Variants in CACHD1 observed in about 807,000 individuals in gnomAD.
CACHD1 encodes VWFA and cache domain-containing protein 1.
In CACHD1, 71 loss-of-function variants were observed where a neutral mutation model predicts 138.7. That is an observed-to-expected ratio of 0.51 (90% CI 0.42 to 0.62). The LOEUF is 0.62. CACHD1 is among the 20% of genes least tolerant of loss of function. The pLI is 0.00. For missense variants in CACHD1, 1,389 were observed against 1,625.3 expected, an observed-to-expected ratio of 0.85 and a Z score of 2.50; for synonymous variants, 578 against 591.5, an observed-to-expected ratio of 0.98 and a Z score of 0.33.
intron 3 of CACHD1, among the ~76,000 whole-genome samples, chr1:64,595,395 C>T: frequency 6.6e-6 from 1 of 152,122 alleles, no homozygotes; most frequent in East Asian, 1.9e-4. Flanking sequence ...AAAGACCTCT[C>T]CCTTTGTGTC....
Position 64,629,499 on chromosome 1 carries a change from C to T in CACHD1, c.644+18C>T. The T allele has an allele frequency of 5.0e-6, 8 of 1,609,892 alleles. No homozygotes were observed. Among genetic ancestry groups the T allele is most frequent in the Non-Finnish European group, 6.8e-6 (8 of 1,178,352 alleles). ...CGCAGTAGGTATGTTGACTTGCATG[C>T]TAAAGTTTTTAATTATTGCTTAAGA... On this transcript the variant is annotated intron_variant, in intron 5 of 26. Transcript: ENST00000651257.
intron 1 of CACHD1, among the ~76,000 whole-genome samples, chr1:64,530,936 T>TTC (rs1646579824): frequency 6.7e-6 from 1 of 148,890 alleles, no homozygotes; most frequent in Non-Finnish European, 1.5e-5. Context: ...TTTTTTTGTT[T>TTC]TTTTTTTTTT....
At chr1:64,549,786 G>A (rs964633500) in intron 1 of CACHD1, among the ~76,000 whole-genome samples, 1 of 148,558 alleles carries the variant, frequency 6.7e-6, no homozygotes, top group Non-Finnish European at 1.5e-5. Flanking sequence ...TAAGGCTGCT[G>A]CTCTTTTTAT....
chr1:64,577,930 T>A (rs1048499608), intron 2 of CACHD1, among the ~76,000 whole-genome samples: 1 of 152,104 alleles, frequency 6.6e-6, no homozygotes, highest in Non-Finnish European at 1.5e-5. Flanking sequence ...AGGCAGACAT[T>A]CTACCCCGAT....
At chr1:64,637,126 T>G (rs1648552284) in intron 7 of CACHD1, among the ~76,000 whole-genome samples, 1 of 152,224 alleles carries the variant, frequency 6.6e-6, no homozygotes, top group Admixed American at 6.5e-5. Flanking sequence ...CATTCCTCAC[T>G]AGAAGTGTTC....
In CACHD1 at chr1:64,539,624, G is replaced by C. The variant is rs544681015; in HGVS notation, c.199-10970G>C. Among the ~76,000 whole-genome samples the C allele has an allele frequency of 1.1e-3, 160 of 152,348 alleles. 1 individual carries two copies. The highest frequency in any genetic ancestry group is 2.0e-3 in the Non-Finnish European group (133 of 68,028). On this transcript the variant is annotated intron_variant, in intron 1 of 26. Transcript: ENST00000651257. ...CCAATGTGTAGTGAGTCCTTTGTAA[G>C]TTGAGGCCAATGGGGCTAGAATGTA...
chr1:64,685,554 C>CT (rs34501570), intron 26 of CACHD1, among the ~76,000 whole-genome samples: 50 of 152,000 alleles, frequency 3.3e-4, no homozygotes, highest in East Asian at 1.2e-3. Flanking sequence ...ACTTCTCCCC[C>CT]TTTTTTTTCC....
chr1:64,571,826 G>T (rs1646929383), intron 2 of CACHD1, among the ~76,000 whole-genome samples: 2 of 152,172 alleles, frequency 1.3e-5, no homozygotes, highest in South Asian at 2.1e-4. Flanking sequence ...AGGTCACAAG[G>T]TTGGTTTGTG....
At chr1:64,510,516 C>G (rs1282992773) in intron 1 of CACHD1, among the ~76,000 whole-genome samples, 1 of 152,212 alleles carries the variant, frequency 6.6e-6, no homozygotes, top group Non-Finnish European at 1.5e-5. Flanking sequence ...GCCAGGTATT[C>G]ACAGTCGCCT....
In CACHD1 at chr1:64,470,834, C is replaced by T. The variant is rs758782412; in HGVS notation, c.90C>T (p.Leu30=). The change falls in exon 1 of 27, where the codon CTC becomes CTT. Residue 30 remains leucine, a synonymous_variant. Coordinates refer to ENST00000651257, the MANE Select transcript of CACHD1 (RefSeq NM_020925.4). The surrounding 1 kb of genome is among the most constrained non-coding windows in gnomAD (Gnocchi z 5.2). The part of the protein sequence containing the change: ...LWLLCLVACW[L]LGAGAEADFS... ...TGCTCTGCCTGGTCGCGTGCTGGCT[C>T]CTGGGCGCCGGGGCCGAAGCCGACT... The T allele has an allele frequency of 4.5e-6, 7 of 1,556,200 alleles. No individual in the cohort carries two copies. The highest frequency in any genetic ancestry group is 5.2e-6 in the Non-Finnish European group (6 of 1,149,514).
At chr1:64,562,148 G>T (rs7551386) in intron 2 of CACHD1, among the ~76,000 whole-genome samples, 123,618 of 151,926 alleles carry the variant, frequency 0.81, 52,311 homozygotes, top group South Asian at 0.94. Context: ...TTTAAATATT[G>T]ATTCTGCTTG....
chr1:64,603,301 T>C (rs1410613087), intron 4 of CACHD1, among the ~76,000 whole-genome samples: 2 of 151,984 alleles, frequency 1.3e-5, no homozygotes, highest in East Asian at 3.9e-4. Context: ...AGACGGGTTT[T>C]CACTGTGTTA....
At chr1:64,531,289 A>G (rs1255649821) in intron 1 of CACHD1, among the ~76,000 whole-genome samples, 1 of 152,186 alleles carries the variant, frequency 6.6e-6, no homozygotes, top group Non-Finnish European at 1.5e-5. Context: ...AGTGCTGACA[A>G]TGAGCAAACT....
chr1:64,678,644 C>T (rs189389311), intron 23 of CACHD1, among the ~76,000 whole-genome samples: 29 of 152,264 alleles, frequency 1.9e-4, no homozygotes, highest in Admixed American at 1.7e-3. Flanking sequence ...GGGCCGTGTA[C>T]GGAGTGACCA....
At chr1:64,670,867 G>A (rs1649790104) in intron 16 of CACHD1, among the ~76,000 whole-genome samples, 2 of 152,160 alleles carry the variant, frequency 1.3e-5, no homozygotes, top group Admixed American at 1.3e-4. Context: ...TATATAGAAA[G>A]CAACAGGGCC....
intron 4 of CACHD1, among the ~76,000 whole-genome samples, chr1:64,624,340 C>G (rs1648025503): frequency 6.6e-6 from 1 of 152,186 alleles, no homozygotes; most frequent in African/African-American, 2.4e-5. Context: ...ATTTTTAAAA[C>G]ATTCTTGCTC....
chr1:64,676,038 A>C (rs931414924), intron 21 of CACHD1, 55 bp downstream of exon 21: 11 of 475,742 alleles, frequency 2.3e-5, no homozygotes, highest in Non-Finnish European at 3.3e-5. Context: ...AATAATAATA[A>C]TACATATGTA....
chr1:64,472,260 G>C (rs934450018), intron 1 of CACHD1, among the ~76,000 whole-genome samples: 2 of 150,038 alleles, frequency 1.3e-5, no homozygotes, highest in Non-Finnish European at 3.0e-5. Flanking sequence ...CCTCCTTCTC[G>C]TTCTTCTCCT....
At chr1:64,614,126 G>A (rs1570417879) in intron 4 of CACHD1, among the ~76,000 whole-genome samples, 1 of 152,142 alleles carries the variant, frequency 6.6e-6, no homozygotes, top group Non-Finnish European at 1.5e-5. Flanking sequence ...TCCACGTAAG[G>A]GTATGAATAA....
Sources: gnomAD v4.1 joint callset for allele counts (sites outside exome capture counted in the v4.1 genomes callset) on GRCh38, gnomAD v4.1.1 for gene constraint, Gnocchi (gnomAD v3.1) non-coding constraint, MANE v1.5 for transcripts, NCBI Gene and HGNC (gene_info 2026-07-23, HGNC 2026-07-21) for gene names.